The following PRR5L variants were observed in gnomAD, a reference collection of about 807,000 sequenced individuals.
PRR5L encodes proline-rich protein 5-like.
A neutral mutation model predicts 36.4 loss-of-function variants in PRR5L; 21 were observed. That is an observed-to-expected ratio of 0.58 (90% CI 0.41 to 0.83). The LOEUF (loss-of-function observed/expected upper bound fraction) is 0.83. Ranked by LOEUF, PRR5L falls within the 40% of genes least tolerant of loss-of-function variation. The pLI is 0.00. For synonymous variants in PRR5L, 188 were observed against 197.0 expected (o/e 0.95, Z 0.38); for missense variants, 381 against 473.3 (o/e 0.80, Z 1.81).
At chr11:36,406,499 G>A (rs538295396) in intron 3 of PRR5L, among the ~76,000 whole-genome samples, 35 of 152,328 alleles carry the variant, frequency 2.3e-4, no homozygotes, top group African/African-American at 8.2e-4. Flanking sequence ...AGGCATTGAC[G>A]TGACCTGGAT....
At chr11:36,407,849 T>C (rs1174662651) in intron 3 of PRR5L, among the ~76,000 whole-genome samples, 4 of 152,214 alleles carry the variant, frequency 2.6e-5, no homozygotes, top group African/African-American at 9.6e-5. Flanking sequence ...GACATGTCTT[T>C]GAAAATAGAC....
At chr11:36,320,446 T>C (rs992738584) in intron 1 of PRR5L, among the ~76,000 whole-genome samples, 2 of 152,234 alleles carry the variant, frequency 1.3e-5, no homozygotes, top group African/African-American at 2.4e-5. Context: ...TAAGGGCTCT[T>C]TGAGTGCCAA....
intron 7 of PRR5L, 52 bp downstream of exon 7, chr11:36,446,492 G>T: frequency 6.2e-7 from 1 of 1,602,674 alleles, no homozygotes. Context: ...AGCGAGGGAA[G>T]AGATTGCCTT....
intron 3 of PRR5L, among the ~76,000 whole-genome samples, chr11:36,409,541 AT>A (rs1405993859): frequency 2.0e-5 from 3 of 152,006 alleles, no homozygotes; most frequent in African/African-American, 7.2e-5. Context: ...TCCACCTCCG[AT>A]TTTTCCATCT....
intron 1 of PRR5L, among the ~76,000 whole-genome samples, chr11:36,385,874 G>A (rs1265192453): frequency 1.3e-5 from 2 of 152,318 alleles, no homozygotes; most frequent in South Asian, 4.1e-4. Context: ...CCAGGTCTAC[G>A]TCCCCGTGGA....
At position 36,442,345 on chromosome 11, in the gene PRR5L, A is replaced by ATT. The variant is rs59412923; in HGVS notation, c.445-3943_445-3942dup. Among the ~76,000 whole-genome samples the ATT allele has an allele frequency of 6.6e-3, 970 of 147,226 alleles. 9 individuals are homozygous for ATT. Among genetic ancestry groups the ATT allele is most frequent in the African/African-American group, 0.019 (770 of 39,968 alleles). On this transcript the variant is annotated intron_variant, in intron 6 of 8. Transcript: ENST00000530639. ...CATCTTGAATGCTTTGTTTCTTATAATTTTTTTTTTTTTCGAGACAGAGTC... is the reference window on the plus strand; with the variant it reads ...CATCTTGAATGCTTTGTTTCTTATAATTTTTTTTTTTTTTTCGAGACAGAGTC...
chr11:36,332,534 A>G (rs1374948611), intron 1 of PRR5L, among the ~76,000 whole-genome samples: 2 of 152,086 alleles, frequency 1.3e-5, no homozygotes, highest in Non-Finnish European at 2.9e-5. Context: ...TATCTCCTAA[A>G]TGTCTCACCA....
chr11:36,381,860 CA>C (rs1364555615), intron 1 of PRR5L, among the ~76,000 whole-genome samples: 1 of 152,014 alleles, frequency 6.6e-6, no homozygotes, highest in African/African-American at 2.4e-5. Flanking sequence ...TTTCAGGCCT[CA>C]AAAAAGCTCC....
chr11:36,375,856 G>T (rs1429747673), intron 1 of PRR5L: 1 of 196,482 alleles, frequency 5.1e-6, no homozygotes, highest in Non-Finnish European at 1.1e-5. Flanking sequence ...ACAAGGGAAA[G>T]ATTTCACTTG....
Position 36,315,289 on chromosome 11 carries a change from C to CTAT in PRR5L, c.-126+18860_-126+18862dup, listed in dbSNP as rs565612816. Among the ~76,000 whole-genome samples, 8 of 152,204 alleles carry CTAT rather than the reference C, an allele frequency of 5.3e-5. No homozygotes were observed. In the East Asian group the frequency reaches 1.2e-3, roughly 22 times the overall value. ...AATGTAAGAATTTAGAAAAGCATAG[C>CTAT]TATTATTATTAAAAGCATATGTTTT... On this transcript the variant is annotated intron_variant, in intron 1 of 8. Coordinates refer to ENST00000530639, the MANE Select transcript of PRR5L (RefSeq NM_001160167.2).
At chr11:36,405,220 G>C (rs1217375397) in intron 3 of PRR5L, among the ~76,000 whole-genome samples, 2 of 152,168 alleles carry the variant, frequency 1.3e-5, no homozygotes, top group African/African-American at 4.8e-5. Flanking sequence ...TGGATGCCTG[G>C]CAGTGAGATC....
chr11:36,405,387 C>G (rs1391128029), intron 3 of PRR5L, among the ~76,000 whole-genome samples: 1 of 152,144 alleles, frequency 6.6e-6, no homozygotes, highest in Non-Finnish European at 1.5e-5. Context: ...TTGGTGCAGG[C>G]CAAACAAAAC....
chr11:36,356,981 G>A (rs566237609), intron 1 of PRR5L, among the ~76,000 whole-genome samples: 231 of 152,290 alleles, frequency 1.5e-3, no homozygotes, highest in African/African-American at 5.5e-3. Context: ...TGGGTCAAAA[G>A]CTAGACCTCT....
chr11:36,449,320 A>T (rs1023114369), intron 7 of PRR5L, among the ~76,000 whole-genome samples: 12 of 152,216 alleles, frequency 7.9e-5, no homozygotes, highest in African/African-American at 2.9e-4. Flanking sequence ...CCACAGTGCC[A>T]TGAGACCTGG....
intron 1 of PRR5L, among the ~76,000 whole-genome samples, chr11:36,308,689 C>T (rs1404174064): frequency 6.6e-6 from 1 of 152,198 alleles, no homozygotes; most frequent in Non-Finnish European, 1.5e-5. Flanking sequence ...TCCCTTCCAC[C>T]TTGGGACACA....
At chr11:36,368,638 G>A (rs181599264) in intron 1 of PRR5L, among the ~76,000 whole-genome samples, 9 of 152,248 alleles carry the variant, frequency 5.9e-5, no homozygotes, top group South Asian at 2.1e-4. Flanking sequence ...CAGAGTCTAC[G>A]TAATGTATGA....
rs145426605 is a variant in PRR5L, at chr11:36,305,273, T to C, written c.-126+8835T>C. Among the ~76,000 whole-genome samples the C allele has an allele frequency of 1.3e-3, 203 of 152,324 alleles. 2 individuals are homozygous for C. Among genetic ancestry groups the C allele is most frequent in the Admixed American group, 0.011 (163 of 15,298 alleles). ...TATGCTAAGTGCAAGAAGTCAGTCA[T>C]AAAAAGCTACATATTATATGATTCC... On this transcript the variant is annotated intron_variant, in intron 1 of 8. Coordinates refer to ENST00000530639, the MANE Select transcript of PRR5L (RefSeq NM_001160167.2).
In PRR5L at chr11:36,462,847, C is replaced by T; in HGVS notation, c.*111C>T. ...TGCTTTATGCGATGCTGCCTTATTT[C>T]CTTTAGGGTACTGTCCTGGTCAAAA... On this transcript the variant is annotated 3_prime_UTR_variant, in exon 9 of 9. Transcript: ENST00000530639. 1 of 1,049,844 alleles carries T rather than the reference C, an allele frequency of 9.5e-7. No homozygotes were observed. The highest frequency in any genetic ancestry group is 1.3e-6 in the Non-Finnish European group (1 of 746,992). 65.0% of individuals were successfully genotyped at this position (1,049,844 alleles called of 1,614,324 possible).
intron 1 of PRR5L, among the ~76,000 whole-genome samples, chr11:36,371,279 C>A (rs948167446): frequency 2.6e-5 from 4 of 152,210 alleles, no homozygotes; most frequent in South Asian, 2.1e-4. Flanking sequence ...TGTGCTAAAT[C>A]TCCATGCTGT....
Sources: allele counts gnomAD v4.1 joint callset (sites outside exome capture counted in the v4.1 genomes callset), GRCh38; gene constraint gnomAD v4.1.1; transcripts MANE v1.5; gene names NCBI Gene and HGNC (gene_info 2026-07-23, HGNC 2026-07-21).